The following PUM1 variants were observed in gnomAD, a reference collection of about 807,000 sequenced individuals.
PUM1 encodes the protein pumilio RNA binding family member 1.
PUM1 carries 13 observed loss-of-function variants against 131.8 expected under a neutral mutation model. The ratio of observed to expected loss-of-function variants is 0.10; its 90% confidence interval spans 0.06 to 0.16. The LOEUF is 0.16. PUM1 is among the 10% of genes least tolerant of loss of function. The pLI is 1.00. For missense variants in PUM1, 961 were observed against 1,512.4 expected (o/e 0.64, Z 6.05); for synonymous variants, 509 against 556.5 (o/e 0.91, Z 1.20).
intron 3 of PUM1, among the ~76,000 whole-genome samples, chr1:31,023,817 C>T (rs1364276953): frequency 6.6e-6 from 1 of 150,854 alleles, no homozygotes; most frequent in African/African-American, 2.4e-5. Context: ...TACTCCCAGC[C>T]ACTCAAGAGG....
intron 20 of PUM1, 111 bp downstream of exon 20, chr1:30,941,040 A>C (rs1429725098): frequency 2.3e-6 from 3 of 1,298,432 alleles, no homozygotes; most frequent in Non-Finnish European, 3.1e-6. Context: ...TAAGCTATAT[A>C]TACTTTGAAA....
intron 1 of PUM1, among the ~76,000 whole-genome samples, chr1:31,063,257 GA>G (rs1232263120): frequency 6.6e-6 from 1 of 152,078 alleles, no homozygotes; most frequent in Non-Finnish European, 1.5e-5. Flanking sequence ...TCTAGAAAAT[GA>G]AAGAAATCCT....
chr1:31,061,662 C>T (rs537332035), intron 1 of PUM1: 18 of 151,758 alleles, frequency 1.2e-4, no homozygotes, highest in Non-Finnish European at 2.7e-4. Context: ...CCTCACTATA[C>T]AAACCAGAAG....
chr1:31,038,384 C>A (rs1451251450), intron 2 of PUM1, among the ~76,000 whole-genome samples: 1 of 152,114 alleles, frequency 6.6e-6, no homozygotes, highest in Non-Finnish European at 1.5e-5. Flanking sequence ...CTAGGCATTG[C>A]AGAAATGTAG....
At chr1:31,027,614 CTG>C (rs1318158778) in intron 3 of PUM1, among the ~76,000 whole-genome samples, 1 of 152,182 alleles carries the variant, frequency 6.6e-6, no homozygotes, top group Non-Finnish European at 1.5e-5. Context: ...ACACTGGACT[CTG>C]TGGCCACAAG....
intron 2 of PUM1, among the ~76,000 whole-genome samples, chr1:31,043,712 T>C (rs922121249): frequency 5.3e-5 from 8 of 152,152 alleles, no homozygotes; most frequent in African/African-American, 1.9e-4. Context: ...GTTTAAGCAC[T>C]CCTCTTCCCG....
intron 17 of PUM1, chr1:30,949,156 T>C (rs758619993): frequency 6.7e-6 from 3 of 447,934 alleles, no homozygotes; most frequent in African/African-American, 6.2e-5. Flanking sequence ...AGATTCTCAT[T>C]ACCGAACTTT....
intron 2 of PUM1, among the ~76,000 whole-genome samples, chr1:31,053,753 GGT>G (rs1289917395): frequency 1.3e-5 from 2 of 151,534 alleles, no homozygotes; most frequent in Non-Finnish European, 2.9e-5. Flanking sequence ...TGCGATTACA[GGT>G]GTGAGCCACT....
At chr1:30,988,204 T>A (rs1297578050) in intron 7 of PUM1, among the ~76,000 whole-genome samples, 1 of 152,052 alleles carries the variant, frequency 6.6e-6, no homozygotes, top group African/African-American at 2.4e-5. Context: ...CTTACAAGGG[T>A]TAAATTCAGA....
intron 3 of PUM1, among the ~76,000 whole-genome samples, chr1:31,022,707 C>A (rs928300363): frequency 6.6e-6 from 1 of 152,194 alleles, no homozygotes; most frequent in Non-Finnish European, 1.5e-5. Flanking sequence ...CTCTAACAGT[C>A]ATTAACCTAA....
chr1:30,981,966 A>G (rs1641374773), intron 7 of PUM1: 1 of 152,210 alleles, frequency 6.6e-6, no homozygotes, highest in Non-Finnish European at 1.5e-5. Context: ...TCATCCTCTG[A>G]GCTGCCTCTT....
At chr1:31,035,518 G>A (rs762468017) in intron 2 of PUM1, among the ~76,000 whole-genome samples, 6 of 152,106 alleles carry the variant, frequency 3.9e-5, no homozygotes, top group African/African-American at 7.2e-5. Context: ...TTCGGAGGCC[G>A]AGGCGGGCGG....
chr1:30,978,708 A>C (rs1368494197), intron 9 of PUM1, among the ~76,000 whole-genome samples: 2 of 152,228 alleles, frequency 1.3e-5, no homozygotes, highest in Non-Finnish European at 2.9e-5. Context: ...AACCCATCAT[A>C]CATTTATGGT....
At position 31,056,609 on chromosome 1, in the gene PUM1, C is replaced by CTTTTTTTTTTTTT. The variant is rs57685772; in HGVS notation, c.363+2582_363+2594dup. On this transcript the variant is annotated intron_variant, in intron 2 of 21. Coordinates refer to ENST00000426105, the MANE Select transcript of PUM1 (RefSeq NM_001020658.2). ...CAGCTGAAAACCTTCCTTTTCTTTT[C>CTTTTTTTTTTTTT]TTTTTTTTTTTTTTTTTTTTTTTTT... 3.4e-3 allele frequency among the ~76,000 whole-genome samples: 147 copies of CTTTTTTTTTTTTT among 43,716 alleles called. 19 individuals carry two copies. The highest frequency in any genetic ancestry group is 4.5e-3 in the Non-Finnish European group (113 of 24,878). 28.7% of individuals were successfully genotyped at this position (43,716 alleles called of 152,430 possible). A position where few individuals can be genotyped will look rare whatever the true frequency, so the allele number is the denominator to read the frequency against.
intron 2 of PUM1, among the ~76,000 whole-genome samples, chr1:31,037,693 C>A (rs1643658233): frequency 6.6e-6 from 1 of 151,258 alleles, no homozygotes; most frequent in African/African-American, 2.4e-5. Flanking sequence ...GGCGACAAAG[C>A]ACGATTCAGT....
chr1:30,968,198 T>C (rs374392777), intron 11 of PUM1, 156 bp downstream of exon 11: 11 of 964,690 alleles, frequency 1.1e-5, no homozygotes, highest in East Asian at 7.2e-5. Flanking sequence ...CAGTGAACTA[T>C]AGTCTAAGTG....
At chr1:31,049,547 G>C (rs1256934379) in intron 2 of PUM1, among the ~76,000 whole-genome samples, 1 of 151,228 alleles carries the variant, frequency 6.6e-6, no homozygotes, top group Non-Finnish European at 1.5e-5. Flanking sequence ...AGGCATGGTA[G>C]TGGACACGTA....
At position 30,952,892 on chromosome 1, in the gene PUM1, C is replaced by T. The variant is rs556847341; in HGVS notation, c.2592-529G>A. The stretch of plus-strand genomic sequence containing the variant: ...TCGGGAGGCTGAAGCAGGAGAATGG[C>T]GTGAACCCGGGAGGCAGAGCTTGCA... On this transcript the variant is annotated intron_variant, in intron 15 of 21. Transcript: ENST00000426105. Among the ~76,000 whole-genome samples the T allele has an allele frequency of 5.3e-5, 8 of 152,090 alleles. No homozygotes were observed. The South Asian group carries it at 1.0e-3, about 20-fold the overall frequency.
At chr1:30,940,122 G>A (rs1014600767) in intron 20 of PUM1, among the ~76,000 whole-genome samples, 2 of 152,110 alleles carry the variant, frequency 1.3e-5, no homozygotes, top group Admixed American at 6.5e-5. Flanking sequence ...GGATCTACAG[G>A]TACTTTCATT....
Sources: gnomAD v4.1 joint callset for allele counts (sites outside exome capture counted in the v4.1 genomes callset) on GRCh38, gnomAD v4.1.1 for gene constraint, MANE v1.5 for transcripts, NCBI Gene and HGNC (gene_info 2026-07-23, HGNC 2026-07-21) for gene names.